PCDH9: variants seen among roughly 807,000 people sequenced by gnomAD.
PCDH9 encodes protocadherin 9, also known as protocadherin-9.
In PCDH9, 24 loss-of-function variants were observed where a neutral mutation model predicts 70.6. That is an observed-to-expected ratio of 0.34 (90% CI 0.25 to 0.48). The LOEUF is 0.48. Among genes scored for constraint, PCDH9 ranks in the 20% least tolerant of loss-of-function variants. The probability of loss-of-function intolerance (pLI) is 0.99; values close to 1 mark genes in which losing one functional copy is unlikely to be tolerated. For synonymous variants in PCDH9, 562 were observed against 558.5 expected (o/e 1.01, Z -0.09); for missense variants, 1,281 against 1,503.6 (o/e 0.85, Z 2.45).
intron 4 of PCDH9, among the ~76,000 whole-genome samples, chr13:66,319,192 C>T (rs1037629937): frequency 6.6e-6 from 1 of 151,892 alleles, no homozygotes; most frequent in African/African-American, 2.4e-5. Context: ...ACTTATGAAA[C>T]CATGACATCT....
chr13:67,097,612 A>G (rs2086348946), intron 2 of PCDH9, among the ~76,000 whole-genome samples: 1 of 152,186 alleles, frequency 6.6e-6, no homozygotes, highest in Admixed American at 6.6e-5. Context: ...CACTCAGTAA[A>G]TTTTCTGCTC....
chr13:66,562,190 T>C lies in PCDH9; in HGVS notation c.3340+69020A>G, dbSNP rs373273202. On this transcript the variant is annotated intron_variant, in intron 4 of 4. Coordinates refer to ENST00000377865, the MANE Select transcript of PCDH9 (RefSeq NM_203487.3). ...CACAGTACTAGTTAAGCATAAAATA[T>C]ATTTAAAAGGAAAAAAAAAATCAAA... 2.0e-5 allele frequency among the ~76,000 whole-genome samples: 3 copies of C among 152,140 alleles called. No homozygotes were observed. In the East Asian group the frequency reaches 5.8e-4, roughly 29 times the overall value.
chr13:66,618,760 TTC>T (rs2077388714), intron 4 of PCDH9, among the ~76,000 whole-genome samples: 1 of 152,192 alleles, frequency 6.6e-6, no homozygotes, highest in African/African-American at 2.4e-5. Flanking sequence ...AATAATACTT[TTC>T]CCCCATAGGG....
chr13:66,961,318 C>CA (rs778889126), intron 2 of PCDH9, among the ~76,000 whole-genome samples: 6 of 152,070 alleles, frequency 3.9e-5, no homozygotes, highest in East Asian at 3.9e-4. Context: ...ACAATAATGG[C>CA]AAAAAACAAG....
At chr13:67,200,460 T>A (rs1407509788) in intron 2 of PCDH9, among the ~76,000 whole-genome samples, 1 of 152,018 alleles carries the variant, frequency 6.6e-6, no homozygotes, top group Non-Finnish European at 1.5e-5. Flanking sequence ...AATCTAAATT[T>A]TCTTAGCAAA....
At chr13:67,210,547 T>A (rs2089447637) in intron 2 of PCDH9, 1 of 151,982 alleles carries the variant, frequency 6.6e-6, no homozygotes, top group Admixed American at 6.6e-5. Flanking sequence ...GGATGTTGGG[T>A]GGCAAGAGAA....
intron 3 of PCDH9, among the ~76,000 whole-genome samples, chr13:66,808,263 G>A (rs1333629675): frequency 6.6e-6 from 1 of 152,052 alleles, no homozygotes; most frequent in Non-Finnish European, 1.5e-5. Context: ...GGAAAGTAGG[G>A]CTGCTGACAC....
At chr13:66,470,481 C>T (rs1379994156) in intron 4 of PCDH9, among the ~76,000 whole-genome samples, 3 of 152,084 alleles carry the variant, frequency 2.0e-5, no homozygotes, top group Non-Finnish European at 2.9e-5. Flanking sequence ...AGTGTTAACG[C>T]ATCTTTGAAA....
At chr13:66,942,445 T>C (rs1345586167) in intron 2 of PCDH9, among the ~76,000 whole-genome samples, 1 of 151,702 alleles carries the variant, frequency 6.6e-6, no homozygotes, top group African/African-American at 2.4e-5. Flanking sequence ...CCCATGTTGA[T>C]CAAGAAAAAA....
At chr13:66,588,250 G>C (rs1279296129) in intron 4 of PCDH9, among the ~76,000 whole-genome samples, 1 of 151,860 alleles carries the variant, frequency 6.6e-6, no homozygotes, top group Non-Finnish European at 1.5e-5. Context: ...TAGTGCTAGA[G>C]CTCCAGATTT....
intron 4 of PCDH9, among the ~76,000 whole-genome samples, chr13:66,583,066 TG>T (rs2076914581): frequency 6.6e-6 from 1 of 151,668 alleles, no homozygotes; most frequent in Non-Finnish European, 1.5e-5. Flanking sequence ...GATCCACACA[TG>T]GGCATAAGAA....
At chr13:66,365,145 C>G (rs1053575405) in intron 4 of PCDH9, among the ~76,000 whole-genome samples, 1 of 152,182 alleles carries the variant, frequency 6.6e-6, no homozygotes. Context: ...CCCCCTCTTA[C>G]ACTTGTTCAG....
chr13:66,777,041 A>C (rs972130362), intron 3 of PCDH9, among the ~76,000 whole-genome samples: 20 of 151,198 alleles, frequency 1.3e-4, no homozygotes, highest in Non-Finnish European at 2.7e-4. Flanking sequence ...AGGATTCCCC[A>C]TTTAATAAAT....
chr13:67,049,346 CTG>C (rs2085280866), intron 2 of PCDH9, among the ~76,000 whole-genome samples: 2 of 152,162 alleles, frequency 1.3e-5, no homozygotes, highest in African/African-American at 4.8e-5. Flanking sequence ...AATATGTAAA[CTG>C]TGAAAAATTA....
intron 4 of PCDH9, among the ~76,000 whole-genome samples, chr13:66,455,333 T>C (rs1293860996): frequency 6.6e-6 from 1 of 151,750 alleles, no homozygotes; most frequent in East Asian, 1.9e-4. Context: ...AACACATTCT[T>C]CTTCTCCTTA....
At chr13:66,699,051 A>G (rs1196048644) in intron 3 of PCDH9, among the ~76,000 whole-genome samples, 1 of 151,700 alleles carries the variant, frequency 6.6e-6, no homozygotes, top group Non-Finnish European at 1.5e-5. Flanking sequence ...AGTAGCTGAA[A>G]TTACAGGCAC....
Position 66,606,041 on chromosome 13 carries a change from C to T in PCDH9, c.3340+25169G>A, listed in dbSNP as rs142396140. ...CCTCGCCATTCCATGGGGCTCCCCT[C>T]AGCATTCTTGCAGGCAGCTCTTTTA... On this transcript the variant is annotated intron_variant, in intron 4 of 4. Transcript: ENST00000377865. 9.2e-5 allele frequency among the ~76,000 whole-genome samples: 14 copies of T among 152,180 alleles called. 2 individuals carry two copies. Among genetic ancestry groups the T allele is most frequent in the African/African-American group, 3.1e-4 (13 of 41,532 alleles).
chr13:66,738,429 G>T (rs1165931781), intron 3 of PCDH9, among the ~76,000 whole-genome samples: 2 of 151,774 alleles, frequency 1.3e-5, no homozygotes, highest in African/African-American at 4.8e-5. Flanking sequence ...GTAAAACGCA[G>T]AGCGCCTCTC....
intron 3 of PCDH9, among the ~76,000 whole-genome samples, chr13:66,641,915 C>A (rs1010970092): frequency 6.6e-6 from 1 of 152,118 alleles, no homozygotes; most frequent in African/African-American, 2.4e-5. Context: ...TTCTAACTGG[C>A]CTTCTTTTAA....
Sources: allele counts gnomAD v4.1 joint callset (sites outside exome capture counted in the v4.1 genomes callset), GRCh38; gene constraint gnomAD v4.1.1; transcripts MANE v1.5; gene names NCBI Gene and HGNC (gene_info 2026-07-23, HGNC 2026-07-21).